Variants in RND2 observed in about 807,000 individuals in gnomAD.
RND2 encodes the protein Rho family GTPase 2.
A neutral mutation model predicts 25.9 loss-of-function variants in RND2; 16 were observed. The ratio of observed to expected loss-of-function variants is 0.62; its 90% CI spans 0.42 to 0.94. The LOEUF is 0.94. Among genes scored for constraint, RND2 ranks in the 40% least tolerant of loss-of-function variants. RND2 has a pLI of 0.00. For synonymous variants in RND2, 97 were observed against 118.1 expected (o/e 0.82, Z 1.16); for missense variants, 276 against 305.5 (o/e 0.90, Z 0.72).
chr17:43,026,768 C>G (rs529797592), intron 2 of RND2, among the ~76,000 whole-genome samples: 5 of 152,310 alleles, frequency 3.3e-5, no homozygotes, highest in Admixed American at 6.5e-5. Flanking sequence ...TGGGAGAGTG[C>G]TCTCCCTGCC....
rs1191856674 is a variant in RND2 at position 43,027,247 on chromosome 17, CT to C, written c.257del (p.Phe86SerfsTer45). Reference protein sequence around the residue: ...YPDSDAVLICFDISRPETLDS... With the variant: ...YPDSDAVLICXDISRPETLDS... ...CTGATTCTGATGCTGTGCTCATCTG[CT>C]TCGACATTAGCCGACCAGAAACACT... On this transcript the variant is annotated frameshift_variant, in exon 3 of 5. Transcript: ENST00000587250. LOFTEE classifies it high-confidence loss of function. 3 of 1,613,106 alleles carry C rather than the reference CT, an allele frequency of 1.9e-6. No homozygotes were observed. In the African/African-American group the frequency reaches 4.0e-5, roughly 22 times the overall value.
intron 2 of RND2, 43 bp downstream of exon 2, chr17:43,026,090 C>T: frequency 7.1e-7 from 1 of 1,414,246 alleles, no homozygotes; most frequent in Non-Finnish European, 1.0e-6. Context: ...CAAGGCGGCC[C>T]ACTCTGTCCC....
chr17:43,028,357 C>G, intron 4 of RND2, 75 bp from the exon 5 acceptor site: 1 of 1,589,730 alleles, frequency 6.3e-7, no homozygotes, highest in Non-Finnish European at 8.6e-7. Flanking sequence ...AACCCCAGCC[C>G]ACAGCCTCCA....
chr17:43,026,760 G>A (rs1293789122), intron 2 of RND2, among the ~76,000 whole-genome samples: 1 of 152,170 alleles, frequency 6.6e-6, no homozygotes, highest in Non-Finnish European at 1.5e-5. Flanking sequence ...CAGGAGAATG[G>A]GAGAGTGCTC....
rs868511443 is a variant in RND2 at position 43,028,775 on chromosome 17, G to A, written c.*95G>A. On this transcript the variant is annotated 3_prime_UTR_variant, in exon 5 of 5. Transcript: ENST00000587250. The stretch of plus-strand genomic sequence containing the variant: ...GCTTCCTGACCTCCTGATCCTGGCT[G>A]GGAAGTTAGGGCAGGCAGAGCGAGC... The A allele has an allele frequency of 6.8e-7, 1 of 1,470,744 alleles. No individual in the cohort carries two copies. Among genetic ancestry groups the A allele is most frequent in the South Asian group, 1.4e-5 (1 of 73,816 alleles). The allele number at this position is 1,470,744 out of a possible 1,614,324, so 91.1% of individuals were successfully genotyped here.
Position 43,031,999 on chromosome 17 carries a change from C to T in RND2, c.*3319C>T, listed in dbSNP as rs1408793325. 1.3e-5 allele frequency: 2 copies of T among 151,568 alleles called. No homozygotes were observed. The highest frequency in any genetic ancestry group is 2.9e-5 in the Non-Finnish European group (2 of 68,004). The allele number at this position is 151,568 out of a possible 1,614,324, so 9.4% of individuals were successfully genotyped here. On this transcript the variant is annotated 3_prime_UTR_variant, in exon 5 of 5. Coordinates refer to ENST00000587250, the MANE Select transcript of RND2 (RefSeq NM_005440.5). ...ACATTGGTTTGGGAAACAATGTAGC[C>T]TCGTTAAACATTTAATGAAATAAAC...
At chr17:43,028,222 C>T (rs772137221) in intron 4 of RND2, 27 bp downstream of exon 4, 1 of 1,613,818 alleles carries the variant, frequency 6.2e-7, no homozygotes, top group South Asian at 1.1e-5. Context: ...CTGACCTCAT[C>T]CCAGCCTAGA....
rs2050620946 is a variant in RND2 at position 43,026,061 on chromosome 17, T to TG, written c.190+19dup. The TG allele has an allele frequency of 6.3e-7, 1 of 1,594,496 alleles. No homozygotes were observed. Among genetic ancestry groups the TG allele is most frequent in the South Asian group, 1.1e-5 (1 of 90,698 alleles). Reference sequence around the variant, plus strand: ...GGGACACTTCAGGTAGCCAAGTCCCTGGGGGTCACCCTGACTTCCAAGGCG... The same window carrying TG: ...GGGACACTTCAGGTAGCCAAGTCCCTGGGGGGTCACCCTGACTTCCAAGGCG... On this transcript the variant is annotated intron_variant, in intron 2 of 4. Coordinates refer to ENST00000587250, the MANE Select transcript of RND2 (RefSeq NM_005440.5).
At chr17:43,027,723 G>A (rs567399495) in intron 3 of RND2, among the ~76,000 whole-genome samples, 3 of 152,150 alleles carry the variant, frequency 2.0e-5, no homozygotes, top group Middle Eastern at 3.2e-3. Context: ...GTTCCCAGGT[G>A]GGGGAGGGGA....
At position 43,025,304 on chromosome 17, in the gene RND2, C is replaced by A. The variant is rs1159801479; in HGVS notation, c.-44C>A. 1.4e-6 allele frequency: 2 copies of A among 1,467,052 alleles called. No homozygotes were observed. Among genetic ancestry groups the A allele is most frequent in the Non-Finnish European group, 1.8e-6 (2 of 1,104,268 alleles). The allele number at this position is 1,467,052 out of a possible 1,614,324, so 90.9% of individuals were successfully genotyped here. A position where few individuals can be genotyped will look rare whatever the true frequency, so the allele number is the denominator to read the frequency against. Reference sequence around the variant, plus strand: ...AGGGGCGGGGGAGGCGGCGGCGGGGCCCGGGAGAGGGGTGGCGTGGGGGAC... The same window carrying A: ...AGGGGCGGGGGAGGCGGCGGCGGGGACCGGGAGAGGGGTGGCGTGGGGGAC... On this transcript the variant is annotated 5_prime_UTR_variant, in exon 1 of 5. Coordinates refer to ENST00000587250, the MANE Select transcript of RND2 (RefSeq NM_005440.5).
rs769949331 is a variant in RND2 at position 43,028,649 on chromosome 17, A to G, written c.653A>G (p.Lys218Arg). ...PDRGNEGEIH[K>R]DRAKSCNLM ...CGGGGGAATGAGGGCGAGATACACA[A>G]GGATCGAGCCAAAAGCTGCAACCTC... is the stretch of plus-strand genomic sequence containing the variant. The change falls in exon 5 of 5, where the codon AAG becomes AGG. Residue 218 changes from lysine to arginine, a missense_variant. Physicochemically the swap from Lys to Arg is conservative, Grantham distance 26. Coordinates refer to ENST00000587250, the MANE Select transcript of RND2 (RefSeq NM_005440.5). 3.1e-6 allele frequency: 5 copies of G among 1,595,124 alleles called. No individual in the cohort carries two copies. Among genetic ancestry groups the G allele is most frequent in the Non-Finnish European group, 3.4e-6 (4 of 1,170,470 alleles).
intron 1 of RND2, 99 bp downstream of exon 1, chr17:43,025,548 G>A: frequency 6.8e-7 from 1 of 1,464,984 alleles, no homozygotes; most frequent in South Asian, 1.3e-5. Context: ...GGGTAACCAG[G>A]GACAAGAGAC....
In RND2 at chr17:43,031,733, T is replaced by G. The variant is rs1461360002; in HGVS notation, c.*3053T>G. The G allele has an allele frequency of 6.6e-6, 1 of 152,180 alleles. No homozygotes were observed. Among genetic ancestry groups the G allele is most frequent in the East Asian group, 1.9e-4 (1 of 5,200 alleles). The allele number at this position is 152,180 out of a possible 1,614,324, so 9.4% of individuals were successfully genotyped here. ...GGAGGACCCCCCAAAGTTTAATACATTTTCAATACCACCAGGAATGGATTT... is the reference window on the plus strand; with the variant it reads ...GGAGGACCCCCCAAAGTTTAATACAGTTTCAATACCACCAGGAATGGATTT... On this transcript the variant is annotated 3_prime_UTR_variant, in exon 5 of 5. Coordinates refer to ENST00000587250, the MANE Select transcript of RND2 (RefSeq NM_005440.5).
At chr17:43,026,286 C>T in intron 2 of RND2, 1 of 482,198 alleles carries the variant, frequency 2.1e-6, no homozygotes, top group South Asian at 3.4e-5. Context: ...TCCTGCCTAC[C>T]TGGGAAAGTT....
chr17:43,028,054 T>G lies in RND2; in HGVS notation c.301-7T>G, dbSNP rs1239488135. 1.8e-5 allele frequency: 29 copies of G among 1,612,388 alleles called. No individual in the cohort carries two copies. The highest frequency in any genetic ancestry group is 2.5e-5 in the Non-Finnish European group (29 of 1,179,288). Reference sequence around the variant, plus strand: ...CCTCCACAATTCTCTTTTCTTCTCCTACATAGTGGCAAGGAGAGACTCAAG... The same window carrying G: ...CCTCCACAATTCTCTTTTCTTCTCCGACATAGTGGCAAGGAGAGACTCAAG... On this transcript the variant is annotated splice_polypyrimidine_tract_variant and splice_region_variant and intron_variant, in intron 3 of 4. Transcript: ENST00000587250.
chr17:43,032,010 T>A lies in RND2; in HGVS notation c.*3330T>A, dbSNP rs572233028. The A allele has an allele frequency of 6.6e-6, 1 of 151,462 alleles. No individual in the cohort carries two copies. The highest frequency in any genetic ancestry group is 1.5e-5 in the Non-Finnish European group (1 of 67,912). 9.4% of individuals were successfully genotyped at this position (151,462 alleles called of 1,614,324 possible). On this transcript the variant is annotated 3_prime_UTR_variant, in exon 5 of 5. Transcript: ENST00000587250. ...GGAAACAATGTAGCCTCGTTAAACA[T>A]TTAATGAAATAAACAAATAATCACA...
intron 3 of RND2, 118 bp downstream of exon 3, chr17:43,027,410 C>G: frequency 1.5e-6 from 1 of 662,896 alleles, no homozygotes; most frequent in Non-Finnish European, 2.6e-6. Flanking sequence ...AGCTGGTTAG[C>G]GAGTGAAGCT....
chr17:43,025,340 C>T lies in RND2; in HGVS notation c.-8C>T, dbSNP rs1296291725. 3 of 1,534,874 alleles carry T rather than the reference C, an allele frequency of 2.0e-6. No individual in the cohort carries two copies. The African/African-American group carries it at 4.2e-5, about 21-fold the overall frequency. Reference sequence around the variant, plus strand: ...GGTGGCGTGGGGGACCGGCGCGTAGCCGGGACCATGGAGGGGCAGAGCGGC... The same window carrying T: ...GGTGGCGTGGGGGACCGGCGCGTAGTCGGGACCATGGAGGGGCAGAGCGGC... On this transcript the variant is annotated 5_prime_UTR_variant, in exon 1 of 5. Transcript: ENST00000587250.
intron 4 of RND2, 47 bp downstream of exon 4, chr17:43,028,242 T>G: frequency 1.2e-6 from 2 of 1,610,332 alleles, no homozygotes; most frequent in Non-Finnish European, 1.7e-6. Flanking sequence ...ACCTGTCACC[T>G]CTGCCCCTTC....
Sources: allele counts gnomAD v4.1 joint callset (sites outside exome capture counted in the v4.1 genomes callset), GRCh38; gene constraint gnomAD v4.1.1; transcripts MANE v1.5; gene names NCBI Gene and HGNC (gene_info 2026-07-23, HGNC 2026-07-21).